DNALI1: variants seen among roughly 807,000 people sequenced by gnomAD.
The protein encoded by DNALI1 is dynein axonemal light intermediate chain 1, also known as axonemal dynein light intermediate polypeptide 1.
A neutral mutation model predicts 33.9 loss-of-function variants in DNALI1; 31 were observed. That is an observed-to-expected ratio of 0.91 (90% CI 0.69 to 1.23). DNALI1 has a LOEUF of 1.23. Ranked by LOEUF, DNALI1 falls within the 50% of genes most tolerant of loss-of-function variation. The probability of loss-of-function intolerance (pLI) is 0.00; values close to 1 mark genes in which losing one functional copy is unlikely to be tolerated. For missense variants in DNALI1, 305 were observed against 323.8 expected (o/e 0.94, Z 0.44); for synonymous variants, 117 against 129.2 (o/e 0.91, Z 0.64).
chr1:37,557,897 C>G, intron 2 of DNALI1, 149 bp downstream of exon 2: 3 of 1,124,632 alleles, frequency 2.7e-6, no homozygotes, highest in Non-Finnish European at 3.8e-6. Flanking sequence ...TGGCTGGATC[C>G]TGGCAGGGTG....
Position 37,564,265 on chromosome 1 carries a change from T to A in DNALI1, c.742-761T>A, listed in dbSNP as rs745717827. ...CCACCCCCCAACAAAGAGGGACAGC[T>A]CTGTATTCACTGGCAGCATTTCTCT... is the stretch of plus-strand genomic sequence containing the variant. On this transcript the variant is annotated intron_variant, in intron 5 of 5. Transcript: ENST00000652629. Among the ~76,000 whole-genome samples the A allele has an allele frequency of 6.4e-4, 77 of 120,594 alleles. 1 individual carries two copies. The highest frequency in any genetic ancestry group is 7.1e-4 in the Admixed American group (6 of 8,498). The allele number at this position is 120,594 out of a possible 152,430, so 79.1% of individuals were successfully genotyped here.
chr1:37,561,992 A>C lies in DNALI1; in HGVS notation c.577-89A>C. 1 of 1,576,522 alleles carries C rather than the reference A, an allele frequency of 6.3e-7. No individual in the cohort carries two copies. The highest frequency in any genetic ancestry group is 1.7e-5 in the Admixed American group (1 of 57,854). On this transcript the variant is annotated intron_variant, in intron 4 of 5. Coordinates refer to ENST00000652629, the MANE Select transcript of DNALI1 (RefSeq NM_003462.5). The surrounding 1 kb of genome is among the most constrained non-coding windows in gnomAD (Gnocchi z 4.6). ...ACTGGGTGGCAGTATATACCCTGGC[A>C]ATGTCATGTCCCATGTCCCTTCCAC...
In DNALI1 at chr1:37,561,897, G is replaced by T; in HGVS notation, c.576+162G>T. On this transcript the variant is annotated intron_variant, in intron 4 of 5. Transcript: ENST00000652629. This position sits in a 1 kb window ranked among gnomAD's most constrained non-coding sequence, Gnocchi z 4.6. ...CAGTGAGGGACCCCTGGTTGAGTAT[G>T]ATGGCCAGCCTGGTGGTCTTGGCAG... 7.4e-7 allele frequency: 1 copy of T among 1,350,010 alleles called. No homozygotes were observed. The highest frequency in any genetic ancestry group is 1.0e-6 in the Non-Finnish European group (1 of 992,932). 83.6% of individuals were successfully genotyped at this position (1,350,010 alleles called of 1,614,324 possible).
intron 5 of DNALI1, among the ~76,000 whole-genome samples, chr1:37,564,297 G>A (rs1643473300): frequency 7.0e-6 from 1 of 141,918 alleles, no homozygotes; most frequent in Non-Finnish European, 1.5e-5. Flanking sequence ...CTCTAATTGT[G>A]TGCCAAGTTG....
chr1:37,565,710 T>G lies in DNALI1; in HGVS notation c.*649T>G, dbSNP rs1040777607. On this transcript the variant is annotated 3_prime_UTR_variant, in exon 6 of 6. Transcript: ENST00000652629. The stretch of plus-strand genomic sequence containing the variant: ...GAAAGGAATACTAGTCACAGTGGCC[T>G]TTGTGAGTTGTCTGCAACTCAGCTC... 7 of 152,556 alleles carry G rather than the reference T, an allele frequency of 4.6e-5. No homozygotes were observed. The highest frequency in any genetic ancestry group is 1.7e-4 in the African/African-American group (7 of 41,292). The allele number at this position is 152,556 out of a possible 1,614,324, so 9.5% of individuals were successfully genotyped here. A position where few individuals can be genotyped will look rare whatever the true frequency, so the allele number is the denominator to read the frequency against.
Position 37,557,657 on chromosome 1 carries a change from C to T in DNALI1, c.136C>T (p.Gln46Ter), listed in dbSNP as rs753509254. ...GCCTGGACCTTCAGGTTCAGCCCCA[C>T]AGCCACCCAAGACCAAGCTCCCCTC... is the stretch of plus-strand genomic sequence containing the variant. ...QQPGPSGSAP[Q>*]PPKTKLPSTP... is the part of the protein sequence containing the mutation. Residue 46 changes from glutamine (Q) to a stop codon, truncating the protein, a stop_gained, in exon 2 of 6, where the codon CAG (glutamine) becomes TAG (stop). Coordinates refer to ENST00000652629, the MANE Select transcript of DNALI1 (RefSeq NM_003462.5). LOFTEE classifies it high-confidence loss of function. 5 of 1,614,136 alleles carry T rather than the reference C, an allele frequency of 3.1e-6. No individual in the cohort carries two copies. Among genetic ancestry groups the T allele is most frequent in the East Asian group, 4.5e-5 (2 of 44,874 alleles).
At position 37,559,909 on chromosome 1, in the gene DNALI1, T is replaced by TG. The variant is rs1271098469; in HGVS notation, c.397+417dup. On this transcript the variant is annotated intron_variant, in intron 3 of 5. Coordinates refer to ENST00000652629, the MANE Select transcript of DNALI1 (RefSeq NM_003462.5). The surrounding 1 kb of genome is among the most constrained non-coding windows in gnomAD (Gnocchi z 5.3). ...ATGTGGCAGGAGAGCAGGGTGATAG[T>TG]GGGGAGAAGATCAGCAAGAAAACAC... Among the ~76,000 whole-genome samples, 1 of 152,124 alleles carries TG rather than the reference T, an allele frequency of 6.6e-6. No homozygotes were observed. Among genetic ancestry groups the TG allele is most frequent in the East Asian group, 1.9e-4 (1 of 5,184 alleles).
chr1:37,560,223 A>G (rs1014578366), intron 3 of DNALI1, among the ~76,000 whole-genome samples: 3 of 152,202 alleles, frequency 2.0e-5, no homozygotes, highest in African/African-American at 4.8e-5. Context: ...CTCTTTTACT[A>G]ATCCTCCTCA....
chr1:37,563,607 C>T (rs1004353590), intron 5 of DNALI1, among the ~76,000 whole-genome samples: 1 of 152,146 alleles, frequency 6.6e-6, no homozygotes, highest in South Asian at 2.1e-4. Context: ...TCTCTTGCCT[C>T]AGCCTCCTGA....
Position 37,561,569 on chromosome 1 carries a change from G to C in DNALI1, c.410G>C (p.Arg137Pro). 1 of 1,613,746 alleles carries C rather than the reference G, an allele frequency of 6.2e-7. No homozygotes were observed. The highest frequency in any genetic ancestry group is 1.3e-5 in the African/African-American group (1 of 75,020). Reference sequence around the variant, plus strand: ...TGTGCATTGGAAGATGAGTTGATCCGGGAGGTCACCATCAACTGTGCGGAG... The same window carrying C: ...TGTGCATTGGAAGATGAGTTGATCCCGGAGGTCACCATCAACTGTGCGGAG... ...LYSQCFDELI[R>P]EVTINCAERG... Residue 137 changes from arginine to proline, a missense_variant, in exon 4 of 6, where the codon CGG becomes CCG. Coordinates refer to ENST00000652629, the MANE Select transcript of DNALI1 (RefSeq NM_003462.5). The surrounding 1 kb of genome is among the most constrained non-coding windows in gnomAD (Gnocchi z 4.6).
Position 37,557,009 on chromosome 1 carries a change from A to G in DNALI1, c.15A>G (p.Ala5=), listed in dbSNP as rs754854960. Residue 5 remains alanine (A), a synonymous_variant, in exon 1 of 6, where the codon GCA becomes GCG. Transcript: ENST00000652629. ...TCGCCTCCGCCATGATTCCGCCCGC[A>G]GACTCTTTGCTCAAGTACGACACCC... MIPP[A]DSLLKYDTPV... 2.5e-6 allele frequency: 4 copies of G among 1,614,184 alleles called. No individual in the cohort carries two copies. Among genetic ancestry groups the G allele is most frequent in the East Asian group, 2.2e-5 (1 of 44,878 alleles).
intron 5 of DNALI1, among the ~76,000 whole-genome samples, chr1:37,563,925 AG>A (rs1379328749): frequency 6.6e-6 from 1 of 152,146 alleles, no homozygotes; most frequent in African/African-American, 2.4e-5. Flanking sequence ...AAGTGTCTTA[AG>A]CTTTACATAA....
rs1284751460 is a variant in DNALI1, at chr1:37,561,652, C to A, written c.493C>A (p.Gln165Lys). The A allele has an allele frequency of 6.2e-7, 1 of 1,613,988 alleles. No individual in the cohort carries two copies. The highest frequency in any genetic ancestry group is 8.5e-7 in the Non-Finnish European group (1 of 1,179,998). The change falls in exon 4 of 6, where the codon CAG (glutamine) becomes AAG (lysine). Residue 165 changes from glutamine to lysine, a missense_variant. Physicochemically the swap from Gln to Lys is moderately conservative, Grantham distance 53 (BLOSUM62 1). Transcript: ENST00000652629. This position sits in a 1 kb window ranked among gnomAD's most constrained non-coding sequence, Gnocchi z 4.6. ...DEIRMTIAAY[Q>K]TLYESSVAFG... ...GATCCGCATGACCATCGCTGCCTAC[C>A]AGACCCTGTACGAGAGCAGCGTGGC... is the stretch of plus-strand genomic sequence containing the variant.
Position 37,559,546 on chromosome 1 carries a change from C to T in DNALI1, c.397+50C>T. 1.3e-6 allele frequency: 2 copies of T among 1,516,068 alleles called. No individual in the cohort carries two copies. Among genetic ancestry groups the T allele is most frequent in the African/African-American group, 2.8e-5 (2 of 72,038 alleles). The allele number at this position is 1,516,068 out of a possible 1,614,324, so 93.9% of individuals were successfully genotyped here. ...GCACTACACACCCTACTGCTCCCTT[C>T]CCTTCACCTTCAGCACAGATCCAAG... On this transcript the variant is annotated intron_variant, in intron 3 of 5. Transcript: ENST00000652629. This position sits in a 1 kb window ranked among gnomAD's most constrained non-coding sequence, Gnocchi z 5.3.
rs201185676 is a variant in DNALI1 at position 37,561,751 on chromosome 1, C to A, written c.576+16C>A. 5,766 of 1,610,360 alleles carry A rather than the reference C, an allele frequency of 3.6e-3. 25 individuals carry two copies. Among genetic ancestry groups the A allele is most frequent in the South Asian group, 0.012 (1,086 of 90,624 alleles). ...GGAGAGGAAAGTGAGTGGGGTTTAC[C>A]GTGACCCTTGGTCCCATCTCTTCTG... is the stretch of plus-strand genomic sequence containing the variant. On this transcript the variant is annotated intron_variant, in intron 4 of 5. Coordinates refer to ENST00000652629, the MANE Select transcript of DNALI1 (RefSeq NM_003462.5). This position sits in a 1 kb window ranked among gnomAD's most constrained non-coding sequence, Gnocchi z 4.6.
At chr1:37,564,930 A>T (rs535813905) in intron 5 of DNALI1, 96 bp from the exon 6 acceptor site, 2 of 1,264,560 alleles carry the variant, frequency 1.6e-6, no homozygotes, top group East Asian at 4.6e-5. Flanking sequence ...GAGTGACAGC[A>T]TGTGGATTCT....
intron 1 of DNALI1, 142 bp downstream of exon 1, chr1:37,557,217 G>A (rs769272111): frequency 4.1e-5 from 56 of 1,362,764 alleles, no homozygotes; most frequent in South Asian, 9.9e-5. Context: ...AGAGAAGGAG[G>A]GTGAGAGGAT....
intron 3 of DNALI1, among the ~76,000 whole-genome samples, chr1:37,560,225 T>C (rs1460165859): frequency 2.6e-5 from 4 of 152,184 alleles, no homozygotes; most frequent in Non-Finnish European, 5.9e-5. Flanking sequence ...CTTTTACTAA[T>C]CCTCCTCAGC....
At position 37,562,625 on chromosome 1, in the gene DNALI1, T is replaced by C. The variant is rs749894779; in HGVS notation, c.741+380T>C. ...GCGTGGTAGTGCCATCCCATGGCTG[T>C]CTCCTCTGAGGCCCTGTTTCAGGGC... On this transcript the variant is annotated intron_variant, in intron 5 of 5. Coordinates refer to ENST00000652629, the MANE Select transcript of DNALI1 (RefSeq NM_003462.5). The surrounding 1 kb of genome is among the most constrained non-coding windows in gnomAD (Gnocchi z 5.8). Among the ~76,000 whole-genome samples, 1 of 152,002 alleles carries C rather than the reference T, an allele frequency of 6.6e-6. No homozygotes were observed. The highest frequency in any genetic ancestry group is 6.6e-5 in the Admixed American group (1 of 15,252).
Sources: gnomAD v4.1 joint callset for allele counts (sites outside exome capture counted in the v4.1 genomes callset) on GRCh38, gnomAD v4.1.1 for gene constraint, Gnocchi (gnomAD v3.1) non-coding constraint, MANE v1.5 for transcripts, NCBI Gene and HGNC (gene_info 2026-07-23, HGNC 2026-07-21) for gene names.